Variants in SCMH1 observed in about 807,000 individuals in gnomAD.
The protein encoded by SCMH1 is polycomb protein SCMH1.
In SCMH1, 37 loss-of-function variants were observed where a neutral mutation model predicts 70.8. The ratio of observed to expected loss-of-function variants is 0.52; its 90% CI spans 0.40 to 0.69. SCMH1 has a LOEUF of 0.69. Ranked by LOEUF, SCMH1 falls within the 30% of genes least tolerant of loss-of-function variation. SCMH1 has a pLI of 0.00. For synonymous variants in SCMH1, 292 were observed against 307.4 expected, an observed-to-expected ratio of 0.95 and a Z score of 0.52; for missense variants, 607 against 827.3, an observed-to-expected ratio of 0.73 and a Z score of 3.27.
rs1209657772 is a variant in SCMH1 at position 41,083,261 on chromosome 1, A to C, written c.746-7810T>G. Among the ~76,000 whole-genome samples, 7 of 152,232 alleles carry C rather than the reference A, an allele frequency of 4.6e-5. No individual in the cohort carries two copies. In the South Asian group the frequency reaches 6.2e-4, roughly 14 times the overall value. ...AGCCCAAAATCTCCTTAAGCTGATA[A>C]GCAACTTCACCAAAGTCTCAGGTTA... is the stretch of plus-strand genomic sequence containing the variant. On this transcript the variant is annotated intron_variant, in intron 8 of 14. Coordinates refer to ENST00000337495, the Ensembl canonical transcript of SCMH1.
chr1:41,039,928 A>G (rs1013467252), intron 12 of SCMH1, among the ~76,000 whole-genome samples: 4 of 147,794 alleles, frequency 2.7e-5, no homozygotes, highest in South Asian at 2.2e-4. Context: ...AATTTTATAT[A>G]TAATTTTACC....
intron 10 of SCMH1, among the ~76,000 whole-genome samples, chr1:41,056,215 CA>C (rs1243143035): frequency 2.6e-5 from 4 of 152,206 alleles, no homozygotes; most frequent in African/African-American, 9.7e-5. Flanking sequence ...CATGGTATGG[CA>C]AAGCCCAAGT....
intron 10 of SCMH1, among the ~76,000 whole-genome samples, 200 bp downstream of exon 10, chr1:41,070,395 G>C (rs1011478054): frequency 1.3e-5 from 2 of 152,168 alleles, no homozygotes; most frequent in African/African-American, 2.4e-5. Context: ...CCCTGCATTA[G>C]TTCCCCATCC....
At chr1:41,146,441 C>G (rs561273501) in intron 5 of SCMH1, among the ~76,000 whole-genome samples, 1 of 152,154 alleles carries the variant, frequency 6.6e-6, no homozygotes, top group Admixed American at 6.5e-5. Context: ...CGCAGTTCAC[C>G]ACTTACTCAC....
chr1:41,181,042 C>T (rs939122257), intron 2 of SCMH1, among the ~76,000 whole-genome samples: 3 of 152,028 alleles, frequency 2.0e-5, no homozygotes, highest in African/African-American at 4.8e-5. Flanking sequence ...GAAATAACGC[C>T]GCATATCTAC....
At chr1:41,141,693 C>A (rs1486398532) in intron 6 of SCMH1, among the ~76,000 whole-genome samples, 1 of 151,928 alleles carries the variant, frequency 6.6e-6, no homozygotes. Context: ...GGTTTTTAAA[C>A]AAATAAACTG....
At chr1:41,181,219 A>G (rs1648661554) in intron 2 of SCMH1, among the ~76,000 whole-genome samples, 1 of 152,220 alleles carries the variant, frequency 6.6e-6, no homozygotes, top group South Asian at 2.1e-4. Flanking sequence ...AAAGACTTAA[A>G]TGTTAGACCT....
At chr1:41,073,466 T>C (rs1438209990) in intron 9 of SCMH1, among the ~76,000 whole-genome samples, 1 of 152,002 alleles carries the variant, frequency 6.6e-6, no homozygotes, top group Non-Finnish European at 1.5e-5. Flanking sequence ...GAATGAGAGG[T>C]GGGTAATGAA....
exon 11 of SCMH1, chr1:41,048,874 G>C (rs1163627071): frequency 1.2e-6 from 2 of 1,613,662 alleles, no homozygotes. Context: ...TGCCATTCTT[G>C]TTCAAGTAGA....
intron 8 of SCMH1, among the ~76,000 whole-genome samples, chr1:41,082,033 T>C (rs1031320293): frequency 6.6e-6 from 1 of 152,120 alleles, no homozygotes; most frequent in Non-Finnish European, 1.5e-5. Flanking sequence ...TTGAGTTCTA[T>C]TTCACACCAG....
intron 10 of SCMH1, among the ~76,000 whole-genome samples, chr1:41,057,161 G>C (rs911930824): frequency 6.6e-6 from 1 of 152,174 alleles, no homozygotes; most frequent in Non-Finnish European, 1.5e-5. Flanking sequence ...AGGGGCAAAG[G>C]CTCATTGAAA....
intron 4 of SCMH1, among the ~76,000 whole-genome samples, chr1:41,154,595 C>T (rs1645351242): frequency 6.6e-6 from 1 of 152,080 alleles, no homozygotes. Flanking sequence ...TAAACAGAGA[C>T]ATTAATAAAC....
At chr1:41,159,472 T>C (rs977481132) in intron 4 of SCMH1, among the ~76,000 whole-genome samples, 1 of 152,210 alleles carries the variant, frequency 6.6e-6, no homozygotes, top group African/African-American at 2.4e-5. Context: ...CATTATCTCC[T>C]GTGTTCATTA....
intron 8 of SCMH1, among the ~76,000 whole-genome samples, chr1:41,082,032 A>G (rs998470557): frequency 1.3e-5 from 2 of 152,156 alleles, no homozygotes; most frequent in Non-Finnish European, 2.9e-5. Flanking sequence ...CTTGAGTTCT[A>G]TTTCACACCA....
chr1:41,079,555 G>A (rs1449186208), intron 8 of SCMH1, among the ~76,000 whole-genome samples: 1 of 152,062 alleles, frequency 6.6e-6, no homozygotes, highest in South Asian at 2.1e-4. Flanking sequence ...TATAGAATAC[G>A]CAGAGACAAT....
chr1:41,234,687 G>A (rs575176272), intron 1 of SCMH1, among the ~76,000 whole-genome samples: 1 of 151,680 alleles, frequency 6.6e-6, no homozygotes, highest in Non-Finnish European at 1.5e-5. Context: ...TGTTAACCAG[G>A]ATGGTCTCGA....
intron 8 of SCMH1, among the ~76,000 whole-genome samples, chr1:41,094,535 C>G (rs1245061024): frequency 1.2e-4 from 18 of 152,080 alleles, no homozygotes; most frequent in Non-Finnish European, 5.9e-5. Context: ...ACTTTCAACT[C>G]TCTTTACTAA....
At chr1:41,084,431 C>T (rs1288780253) in intron 8 of SCMH1, among the ~76,000 whole-genome samples, 1 of 152,126 alleles carries the variant, frequency 6.6e-6, no homozygotes, top group African/African-American at 2.4e-5. Flanking sequence ...AATGAGATAC[C>T]ATCTCACACC....
At chr1:41,061,874 T>C (rs997489843) in intron 10 of SCMH1, among the ~76,000 whole-genome samples, 1 of 150,844 alleles carries the variant, frequency 6.6e-6, no homozygotes, top group Non-Finnish European at 1.5e-5. Context: ...AAATTTCTCA[T>C]TTTTTTTTGA....
Sources: allele counts gnomAD v4.1 joint callset (sites outside exome capture counted in the v4.1 genomes callset), GRCh38; gene constraint gnomAD v4.1.1; transcripts MANE v1.5; gene names NCBI Gene and HGNC (gene_info 2026-07-23, HGNC 2026-07-21).